The following LDHC variants were observed in gnomAD, a reference collection of about 807,000 sequenced individuals.
LDHC encodes lactate dehydrogenase C.
A neutral mutation model predicts 30.2 loss-of-function variants in LDHC; 20 were observed. The observed-to-expected ratio is 0.66, with a 90% CI of 0.47 to 0.96. The LOEUF (loss-of-function observed/expected upper bound fraction) is 0.96, where lower values mean the gene tolerates loss of function less well. Among genes scored for constraint, LDHC ranks in the 40% least tolerant of loss-of-function variants. LDHC has a pLI of 0.00. For missense variants in LDHC, 362 were observed against 394.9 expected (o/e 0.92, Z 0.71); for synonymous variants, 139 against 132.7 (o/e 1.05, Z -0.32).
At chr11:18,434,268 C>T (rs1386238638) in intron 4 of LDHC, among the ~76,000 whole-genome samples, 1 of 150,766 alleles carries the variant, frequency 6.6e-6, no homozygotes, top group Non-Finnish European at 1.5e-5. Context: ...TCTGGTCCCT[C>T]CCTGATTAGC....
chr11:18,415,160 A>T (rs1290799798), intron 2 of LDHC, 24 bp from the exon 3 acceptor site: 3 of 1,343,790 alleles, frequency 2.2e-6, no homozygotes, highest in Non-Finnish European at 3.2e-6. Flanking sequence ...GGAACATTTT[A>T]TTCAGAACTT....
Position 18,451,969 on chromosome 11 carries a change from C to CAAG in LDHC, c.*850_*852dup, listed in dbSNP as rs113910707. The CAAG allele has an allele frequency of 0.18, 27,730 of 151,930 alleles. 3,251 individuals are homozygous for CAAG. Among genetic ancestry groups the CAAG allele is most frequent in the African/African-American group, 0.33 (13,683 of 41,352 alleles). The allele number at this position is 151,930 out of a possible 1,614,324, so 9.4% of individuals were successfully genotyped here. On this transcript the variant is annotated 3_prime_UTR_variant, in exon 8 of 8. Coordinates refer to ENST00000541669, the MANE Select transcript of LDHC (RefSeq NM_017448.5). ...GAAGAACACAGAAGAAAAGCAGAAA[C>CAAG]AAGAAGAAGATACAGATGTAACTTT...
chr11:18,449,229 G>A (rs1848607328), intron 7 of LDHC, among the ~76,000 whole-genome samples: 1 of 151,824 alleles, frequency 6.6e-6, no homozygotes, highest in East Asian at 1.9e-4. Context: ...ATCAGAGAGG[G>A]AGTTGGAGAC....
At chr11:18,431,918 GC>G (rs1251647614) in intron 4 of LDHC, among the ~76,000 whole-genome samples, 10 of 152,114 alleles carry the variant, frequency 6.6e-5, no homozygotes. Context: ...CAAAGAACCA[GC>G]TTTTTGTTTC....
At position 18,416,560 on chromosome 11, in the gene LDHC, C is replaced by T. The variant is rs1390001745; in HGVS notation, c.244+1259C>T. On this transcript the variant is annotated intron_variant, in intron 3 of 7. Transcript: ENST00000541669. ...AAGAGCCATGATAAACATTTTATAT[C>T]GACCTAAAACATACACATGTAGATA... is the stretch of plus-strand genomic sequence containing the variant. 3.3e-5 allele frequency among the ~76,000 whole-genome samples: 5 copies of T among 152,144 alleles called. No individual in the cohort carries two copies. In the East Asian group the frequency reaches 7.7e-4, roughly 23 times the overall value.
intron 6 of LDHC, among the ~76,000 whole-genome samples, chr11:18,444,584 C>G (rs1848517406): frequency 7.5e-6 from 1 of 133,878 alleles, no homozygotes; most frequent in Non-Finnish European, 1.6e-5. Flanking sequence ...AGTCCAGGCC[C>G]AACCTGCTGT....
intron 6 of LDHC, among the ~76,000 whole-genome samples, chr11:18,441,505 C>T (rs995151966): frequency 6.7e-6 from 1 of 150,360 alleles, no homozygotes; most frequent in African/African-American, 2.4e-5. Flanking sequence ...AACGGGGTTT[C>T]ACCATGTTGG....
intron 2 of LDHC, 73 bp downstream of exon 2, chr11:18,412,916 A>G: frequency 1.4e-6 from 2 of 1,430,548 alleles, no homozygotes; most frequent in South Asian, 1.4e-5. Context: ...CGATGTATTC[A>G]GGGTTGCAAG....
chr11:18,444,604 GTATATATATATATATATATATA>G (rs60764598), intron 6 of LDHC, among the ~76,000 whole-genome samples: 1,073 of 89,370 alleles, frequency 0.012, 34 homozygotes, highest in African/African-American at 0.03. Flanking sequence ...TGTTCAGGTG[GTATATATATATATATATATATA>G]TATATATATA....
At position 18,434,868 on chromosome 11, in the gene LDHC, A is replaced by G; in HGVS notation, c.547A>G (p.Thr183Ala). Residue 183 changes from threonine to alanine, a missense_variant, in exon 5 of 8, where the codon ACA becomes GCA. Transcript: ENST00000541669. ...LIGEKLGVHP[T>A]SCHGWIIGEH... is the part of the protein sequence containing the mutation. ...TGGAGAAAAGTTGGGTGTCCACCCC[A>G]CAAGCTGCCATGGTTGGATTATTGG... is the stretch of plus-strand genomic sequence containing the variant. 6.2e-7 allele frequency: 1 copy of G among 1,613,630 alleles called. No individual in the cohort carries two copies. Among genetic ancestry groups the G allele is most frequent in the Non-Finnish European group, 8.5e-7 (1 of 1,179,550 alleles).
rs139946387 is a variant in LDHC at position 18,415,031 on chromosome 11, G to A, written c.127-153G>A. 8.8e-3 allele frequency among the ~76,000 whole-genome samples: 1,332 copies of A among 151,780 alleles called. 9 individuals carry two copies. The highest frequency in any genetic ancestry group is 0.013 in the Non-Finnish European group (851 of 67,958). ...TTAATATTTACTTACCTTGACTTTC[G>A]GTCACCCAGGCTCATTGAAAAACTA... On this transcript the variant is annotated intron_variant, in intron 2 of 7. Transcript: ENST00000541669.
chr11:18,438,616 GA>G lies in LDHC; in HGVS notation c.686del (p.Asn229IlefsTer16). ...LGTDSDKEHW[K>X]NIHKQVIQSA... is the part of the protein sequence containing the mutation. ...GAACGGATTCAGATAAGGAACACTGGAAAAATATCCATAAACAAGTTATTCA... is the reference window on the plus strand; with the variant it reads ...GAACGGATTCAGATAAGGAACACTGGAAAATATCCATAAACAAGTTATTCA... On this transcript the variant is annotated frameshift_variant, in exon 6 of 8. Coordinates refer to ENST00000541669, the MANE Select transcript of LDHC (RefSeq NM_017448.5). LOFTEE classifies it high-confidence loss of function. 3 of 1,606,198 alleles carry G rather than the reference GA, an allele frequency of 1.9e-6. No individual in the cohort carries two copies. The highest frequency in any genetic ancestry group is 2.2e-5 in the East Asian group (1 of 44,810).
rs766443248 is a variant in LDHC, at chr11:18,451,079, G to C, written c.951G>C (p.Lys317Asn). The change falls in exon 8 of 8, where the codon AAG (lysine) becomes AAC (asparagine). Residue 317 changes from lysine (K) to asparagine (N), a missense_variant. By Grantham distance (94) the Lys-to-Asn change is moderately conservative. Coordinates refer to ENST00000541669, the MANE Select transcript of LDHC (RefSeq NM_017448.5). The stretch of plus-strand genomic sequence containing the variant: ...ATTCTGAGGAGGAGGCCCTTTTCAA[G>C]AAGAGTGCAGAAACACTTTGGAATA... ...NLNSEEEALF[K>N]KSAETLWNIQ... The C allele has an allele frequency of 5.1e-6, 8 of 1,581,200 alleles. No individual in the cohort carries two copies. The African/African-American group carries it at 5.5e-5, about 11-fold the overall frequency.
chr11:18,423,880 A>G (rs1013706651), intron 3 of LDHC, among the ~76,000 whole-genome samples: 2 of 152,178 alleles, frequency 1.3e-5, no homozygotes, highest in African/African-American at 4.8e-5. Flanking sequence ...AAAATGAGAA[A>G]AGCCTTCAAT....
intron 7 of LDHC, among the ~76,000 whole-genome samples, chr11:18,449,428 TAAAAAA>T (rs557136321): frequency 3.7e-4 from 18 of 48,448 alleles, no homozygotes; most frequent in African/African-American, 1.5e-3. Flanking sequence ...CACTGTCTCC[TAAAAAA>T]AAAAAAAAAA....
rs1565054776 is a variant in LDHC at position 18,438,529 on chromosome 11, G to A, written c.594G>A (p.Val198=). The A allele has an allele frequency of 1.9e-6, 3 of 1,584,626 alleles. No homozygotes were observed. The highest frequency in any genetic ancestry group is 2.6e-6 in the Non-Finnish European group (3 of 1,154,012). ...WIIGEHGDSS[V]PLWSGVNVAG... is the part of the protein sequence containing the mutation. ...TATTTTGAGATCTGTATTTTTTAGT[G>A]CCCTTATGGAGTGGGGTGAATGTTG... Residue 198 remains valine, a splice_region_variant and synonymous_variant, in exon 6 of 8, where the codon GTG becomes GTA. Coordinates refer to ENST00000541669, the MANE Select transcript of LDHC (RefSeq NM_017448.5).
intron 6 of LDHC, among the ~76,000 whole-genome samples, chr11:18,439,802 C>T (rs1372346717): frequency 1.1e-3 from 115 of 109,056 alleles, no homozygotes; most frequent in African/African-American, 3.4e-3. Context: ...TGGTGAAAAC[C>T]GTCTCTACTA....
chr11:18,424,968 A>G (rs1308190832), intron 3 of LDHC, among the ~76,000 whole-genome samples: 1 of 152,208 alleles, frequency 6.6e-6, no homozygotes, highest in Non-Finnish European at 1.5e-5. Context: ...AGATCGTGCC[A>G]CTGTACTCCA....
In LDHC at chr11:18,419,374, C is replaced by A. The variant is rs569133097; in HGVS notation, c.244+4073C>A. Among the ~76,000 whole-genome samples, 13 of 152,300 alleles carry A rather than the reference C, an allele frequency of 8.5e-5. No homozygotes were observed. In the South Asian group the frequency reaches 2.5e-3, roughly 29 times the overall value. Reference sequence around the variant, plus strand: ...TAATGATGATCTACAAATAATTATTCTCTCCCTGCCTTTGGGGACTACAAG... The same window carrying A: ...TAATGATGATCTACAAATAATTATTATCTCCCTGCCTTTGGGGACTACAAG... On this transcript the variant is annotated intron_variant, in intron 3 of 7. Coordinates refer to ENST00000541669, the MANE Select transcript of LDHC (RefSeq NM_017448.5).
Sources: gnomAD v4.1 joint callset for allele counts (sites outside exome capture counted in the v4.1 genomes callset) on GRCh38, gnomAD v4.1.1 for gene constraint, MANE v1.5 for transcripts, NCBI Gene and HGNC (gene_info 2026-07-23, HGNC 2026-07-21) for gene names.